The following PPM1E variants were observed in gnomAD, a reference collection of about 807,000 sequenced individuals.
The protein encoded by PPM1E is protein phosphatase 1E.
In PPM1E, 20 loss-of-function variants were observed where a neutral mutation model predicts 65.9. That is an observed-to-expected ratio of 0.30 (90% CI 0.21 to 0.44). The LOEUF is 0.44. PPM1E is among the 20% of genes least tolerant of loss of function. PPM1E has a pLI of 1.00. For synonymous variants in PPM1E, 352 were observed against 374.9 expected (o/e 0.94, Z 0.70); for missense variants, 713 against 953.1 (o/e 0.75, Z 3.32).
chr17:58,770,860 C>CTT (rs781300201), intron 1 of PPM1E, among the ~76,000 whole-genome samples: 8 of 136,456 alleles, frequency 5.9e-5, no homozygotes, highest in African/African-American at 1.3e-4. Context: ...TGTAACTTTT[C>CTT]TTTTTTTTTT....
intron 1 of PPM1E, among the ~76,000 whole-genome samples, chr17:58,796,913 C>T (rs1362043198): frequency 6.6e-6 from 1 of 152,132 alleles, no homozygotes; most frequent in Admixed American, 6.6e-5. Context: ...TGAGACCAGC[C>T]TTGCCAACAT....
At chr17:58,848,231 T>G (rs2050791006) in intron 1 of PPM1E, among the ~76,000 whole-genome samples, 1 of 152,192 alleles carries the variant, frequency 6.6e-6, no homozygotes, top group South Asian at 2.1e-4. Context: ...AGGGACAATT[T>G]GACTTCCTCT....
chr17:58,812,303 CAAAAAAAAAAAAAAA>C (rs35132799), intron 1 of PPM1E, among the ~76,000 whole-genome samples: 11 of 49,774 alleles, frequency 2.2e-4, no homozygotes, highest in African/African-American at 3.0e-4. Context: ...GACTCTGTTT[CAAAAAAAAAAAAAAA>C]AAAAAAAAAA....
intron 1 of PPM1E, among the ~76,000 whole-genome samples, chr17:58,809,101 T>G (rs2050341529): frequency 6.6e-6 from 1 of 152,174 alleles, no homozygotes; most frequent in Non-Finnish European, 1.5e-5. Flanking sequence ...TTAACAATTT[T>G]TTTTTTAAGA....
chr17:58,980,372 C>A lies in PPM1E; in HGVS notation c.1609C>A (p.Pro537Thr). The change falls in exon 7 of 7, where the codon CCA (proline) becomes ACA (threonine). Residue 537 changes from proline (P) to threonine (T), a missense_variant. Coordinates refer to ENST00000308249, the MANE Select transcript of PPM1E (RefSeq NM_014906.5). The surrounding 1 kb of genome is among the most constrained non-coding windows in gnomAD (Gnocchi z 4.7). Reference protein sequence around the residue: ...RPWPQHQCSAPADLGYDGRVD... With the variant: ...RPWPQHQCSATADLGYDGRVD... ...TTGGCCTCAGCACCAGTGCTCAGCA[C>A]CAGCCGACCTAGGCTATGATGGGCG... is the stretch of plus-strand genomic sequence containing the variant. 6.2e-7 allele frequency: 1 copy of A among 1,614,150 alleles called. No individual in the cohort carries two copies. The highest frequency in any genetic ancestry group is 8.5e-7 in the Non-Finnish European group (1 of 1,180,006).
At chr17:58,960,748 A>G (rs539562044) in intron 2 of PPM1E, among the ~76,000 whole-genome samples, 2 of 150,630 alleles carry the variant, frequency 1.3e-5, no homozygotes, top group East Asian at 3.9e-4. Flanking sequence ...CCTGGACTAC[A>G]GAGCAAGACT....
Position 58,773,964 on chromosome 17 carries a change from C to T in PPM1E, c.464+17503C>T, listed in dbSNP as rs8066540. Among the ~76,000 whole-genome samples the T allele has an allele frequency of 3.0e-3, 461 of 151,936 alleles. 1 individual carries two copies. The highest frequency in any genetic ancestry group is 0.01 in the African/African-American group (418 of 41,432). On this transcript the variant is annotated intron_variant, in intron 1 of 6. Transcript: ENST00000308249. ...ATCAGTTGAGGTCAGGAGTTCCAGACCAGTCTGGCCAACATGGTGAAACCC... is the reference window on the plus strand; with the variant it reads ...ATCAGTTGAGGTCAGGAGTTCCAGATCAGTCTGGCCAACATGGTGAAACCC...
intron 6 of PPM1E, among the ~76,000 whole-genome samples, chr17:58,973,414 C>CAAA (rs36102576): frequency 1.7e-5 from 2 of 117,794 alleles, no homozygotes; most frequent in African/African-American, 3.2e-5. Flanking sequence ...GAGACTGTCT[C>CAAA]AAAAAAAAAA....
intron 1 of PPM1E, among the ~76,000 whole-genome samples, chr17:58,933,480 C>T (rs531811390): frequency 6.6e-6 from 1 of 152,118 alleles, no homozygotes; most frequent in South Asian, 2.1e-4. Flanking sequence ...TAAGAAATAT[C>T]AATATAAACA....
Position 58,809,462 on chromosome 17 carries a change from A to G in PPM1E, c.464+53001A>G, listed in dbSNP as rs539530951. Among the ~76,000 whole-genome samples the G allele has an allele frequency of 2.3e-3, 343 of 152,172 alleles. 4 individuals carry two copies. Among genetic ancestry groups the G allele is most frequent in the Non-Finnish European group, 5.6e-4 (38 of 67,998 alleles). On this transcript the variant is annotated intron_variant, in intron 1 of 6. Transcript: ENST00000308249. ...GGTGGGAGTGCAGTGGCGCGGCTTA[A>G]CTGCAGCCTTACCTCCCAGACTCAA...
chr17:58,969,466 GATGCCAGGAGATTGGTTCATTTGAATC>G, intron 3 of PPM1E, 46 bp from the exon 4 acceptor site: 1 of 1,425,624 alleles, frequency 7.0e-7, no homozygotes, highest in Admixed American at 1.7e-5. Flanking sequence ...GGGCAACAAT[GATGCCAGGAGATTGGTTCATTTGAATC>G]ATGCTATACC....
At chr17:58,954,524 C>T (rs1445306136) in intron 1 of PPM1E, among the ~76,000 whole-genome samples, 2 of 152,072 alleles carry the variant, frequency 1.3e-5, no homozygotes, top group Non-Finnish European at 2.9e-5. Flanking sequence ...TTCCCCTCAC[C>T]CACTATGATT....
intron 1 of PPM1E, among the ~76,000 whole-genome samples, chr17:58,825,282 A>C (rs1377894525): frequency 1.3e-5 from 2 of 151,734 alleles, no homozygotes; most frequent in Admixed American, 1.3e-4. Context: ...ATAGAATGAA[A>C]TATCTGGCTG....
intron 1 of PPM1E, among the ~76,000 whole-genome samples, chr17:58,813,777 TG>T (rs1395273387): frequency 6.6e-6 from 1 of 152,244 alleles, no homozygotes; most frequent in East Asian, 1.9e-4. Context: ...GTATTTCATT[TG>T]GAAGAGTTTC....
intron 1 of PPM1E, among the ~76,000 whole-genome samples, chr17:58,763,556 G>C (rs898900593): frequency 3.3e-5 from 5 of 152,134 alleles, no homozygotes; most frequent in African/African-American, 1.2e-4. Flanking sequence ...CTGCCCTACA[G>C]ATAATGCTAG....
intron 1 of PPM1E, among the ~76,000 whole-genome samples, chr17:58,909,633 T>C (rs536216128): frequency 5.9e-5 from 9 of 152,180 alleles, no homozygotes; most frequent in Non-Finnish European, 1.3e-4. Context: ...TCTGTTCTCT[T>C]CTTGCTTGCA....
chr17:58,805,969 A>C (rs1361316201), intron 1 of PPM1E, among the ~76,000 whole-genome samples: 1,686 of 117,904 alleles, frequency 0.014, 76 homozygotes, highest in Non-Finnish European at 0.021. Flanking sequence ...AACAAAAAAA[A>C]AAAACAAAAA....
intron 2 of PPM1E, among the ~76,000 whole-genome samples, chr17:58,959,021 T>G (rs572407712): frequency 6.6e-6 from 1 of 152,066 alleles, no homozygotes; most frequent in Non-Finnish European, 1.5e-5. Flanking sequence ...TAAAAAAATC[T>G]TAAGTAGGCC....
chr17:58,806,022 A>G (rs1159200541), intron 1 of PPM1E, among the ~76,000 whole-genome samples: 1 of 147,974 alleles, frequency 6.8e-6, no homozygotes, highest in Non-Finnish European at 1.5e-5. Flanking sequence ...TATATGTAGC[A>G]TTTGATACTT....
Sources: gnomAD v4.1 joint callset for allele counts (sites outside exome capture counted in the v4.1 genomes callset) on GRCh38, gnomAD v4.1.1 for gene constraint, Gnocchi (gnomAD v3.1) non-coding constraint, MANE v1.5 for transcripts, NCBI Gene and HGNC (gene_info 2026-07-23, HGNC 2026-07-21) for gene names.